YWHAE: variants seen among roughly 807,000 people sequenced by gnomAD.
YWHAE encodes the protein 14-3-3 protein epsilon.
YWHAE carries 4 observed loss-of-function variants against 30.1 expected under a neutral mutation model. The ratio of observed to expected loss-of-function variants is 0.13; its 90% CI spans 0.07 to 0.30. The LOEUF is 0.30. Ranked by LOEUF, YWHAE falls within the 10% of genes least tolerant of loss-of-function variation. The probability of loss-of-function intolerance (pLI) is 1.00; values close to 1 mark genes in which losing one functional copy is unlikely to be tolerated. For missense variants in YWHAE, 121 were observed against 315.9 expected (o/e 0.38, Z 4.68); for synonymous variants, 118 against 111.8 (o/e 1.06, Z -0.35).
In YWHAE at chr17:1,354,356, A is replaced by G. The variant is rs755539852; in HGVS notation, c.579-9T>C. 1.6e-5 allele frequency: 25 copies of G among 1,610,720 alleles called. No individual in the cohort carries two copies. In the Admixed American group the frequency reaches 3.2e-4, roughly 21 times the overall value. On this transcript the variant is annotated splice_polypyrimidine_tract_variant and intron_variant, in intron 4 of 5. Coordinates refer to ENST00000264335, the MANE Select transcript of YWHAE (RefSeq NM_006761.5). ...AAGCTGCTTTTGCCAACCTAAAGGT[A>G]TTTCAATAGAAGTGTTATAAAAATT... is the stretch of plus-strand genomic sequence containing the variant.
intron 2 of YWHAE, among the ~76,000 whole-genome samples, chr17:1,364,364 C>A (rs538267522): frequency 6.6e-6 from 1 of 152,020 alleles, no homozygotes; most frequent in East Asian, 1.9e-4. Context: ...GTAGCTGGGA[C>A]CACAGGCTCC....
At chr17:1,348,864 A>C (rs545114518) in intron 5 of YWHAE, among the ~76,000 whole-genome samples, 55 of 150,776 alleles carry the variant, frequency 3.6e-4, no homozygotes, top group African/African-American at 1.3e-3. Context: ...TCTACTAAAA[A>C]TACAAAAAAA....
chr17:1,364,051 T>C (rs543623653), intron 2 of YWHAE, among the ~76,000 whole-genome samples: 2 of 152,312 alleles, frequency 1.3e-5, no homozygotes, highest in South Asian at 2.1e-4. Context: ...GCACCTCTAA[T>C]TGAAAACTGC....
At chr17:1,391,601 A>C (rs2131431) in intron 1 of YWHAE, among the ~76,000 whole-genome samples, 41,924 of 152,094 alleles carry the variant, frequency 0.28, 5,846 homozygotes, top group South Asian at 0.37. Flanking sequence ...TCTTAGGGCC[A>C]TGACTAGCAT....
chr17:1,366,176 G>A (rs926068923), intron 1 of YWHAE, among the ~76,000 whole-genome samples: 3 of 149,094 alleles, frequency 2.0e-5, no homozygotes, highest in East Asian at 1.9e-4. Context: ...AGATCATGCC[G>A]CTGCACTCCA....
chr17:1,375,851 T>C lies in YWHAE; in HGVS notation c.65-10793A>G, dbSNP rs149767318. 2.0e-3 allele frequency among the ~76,000 whole-genome samples: 300 copies of C among 152,342 alleles called. 2 individuals carry two copies. The highest frequency in any genetic ancestry group is 6.9e-3 in the African/African-American group (286 of 41,572). ...GTTTGTGGTTGTGTTCTTTCAACTA[T>C]GTTGTTCATTCAACAGACTAATTCA... is the stretch of plus-strand genomic sequence containing the variant. On this transcript the variant is annotated intron_variant, in intron 1 of 5. Coordinates refer to ENST00000264335, the MANE Select transcript of YWHAE (RefSeq NM_006761.5).
chr17:1,362,823 C>A (rs1156328514), intron 2 of YWHAE, among the ~76,000 whole-genome samples: 1 of 152,070 alleles, frequency 6.6e-6, no homozygotes. Flanking sequence ...TCTGAATAAA[C>A]GACATCCCTG....
intron 1 of YWHAE, among the ~76,000 whole-genome samples, chr17:1,394,708 T>C (rs1341423144): frequency 2.6e-5 from 4 of 152,114 alleles, no homozygotes; most frequent in Admixed American, 2.6e-4. Flanking sequence ...GGCTCATACC[T>C]GTAATGCTAG....
intron 4 of YWHAE, among the ~76,000 whole-genome samples, chr17:1,358,978 T>C (rs2072808495): frequency 6.9e-6 from 1 of 145,870 alleles, no homozygotes; most frequent in African/African-American, 2.6e-5. Flanking sequence ...CTACTAAAAA[T>C]ACAAAAAATT....
intron 1 of YWHAE, among the ~76,000 whole-genome samples, chr17:1,375,006 C>G (rs562617133): frequency 6.6e-5 from 10 of 152,222 alleles, no homozygotes; most frequent in African/African-American, 2.4e-4. Context: ...ACTATGTAGC[C>G]TTAAACTCCT....
intron 1 of YWHAE, among the ~76,000 whole-genome samples, chr17:1,392,198 A>C (rs1034910861): frequency 7.2e-5 from 11 of 152,034 alleles, no homozygotes; most frequent in Admixed American, 7.2e-4. Context: ...AAAAAAGAAA[A>C]AGAAAAAGAA....
intron 1 of YWHAE, 47 bp downstream of exon 1, chr17:1,400,000 G>T: frequency 6.2e-7 from 1 of 1,607,752 alleles, no homozygotes; most frequent in South Asian, 1.1e-5. Flanking sequence ...TGTGGGCGGC[G>T]GCAGAGGGTC....
intron 4 of YWHAE, 116 bp from the exon 5 acceptor site, chr17:1,354,463 T>C (rs1816928480): frequency 3.8e-6 from 4 of 1,050,040 alleles, no homozygotes; most frequent in African/African-American, 1.6e-5. Flanking sequence ...GTCACAATGA[T>C]AATGCAAAGA....
At chr17:1,355,765 T>A (rs540635493) in intron 4 of YWHAE, among the ~76,000 whole-genome samples, 1 of 152,288 alleles carries the variant, frequency 6.6e-6, no homozygotes, top group South Asian at 2.1e-4. Flanking sequence ...CTGGCTGTGG[T>A]GGCTCATGCC....
intron 1 of YWHAE, among the ~76,000 whole-genome samples, chr17:1,396,696 G>A (rs1357239808): frequency 6.6e-6 from 1 of 152,116 alleles, no homozygotes; most frequent in Non-Finnish European, 1.5e-5. Flanking sequence ...CGCAATCTCG[G>A]CTCACCGCAA....
At chr17:1,394,735 G>A (rs933082035) in intron 1 of YWHAE, among the ~76,000 whole-genome samples, 6 of 152,126 alleles carry the variant, frequency 3.9e-5, no homozygotes, top group African/African-American at 1.4e-4. Flanking sequence ...GGGAGGCTGA[G>A]GCGGGAGGAT....
intron 1 of YWHAE, among the ~76,000 whole-genome samples, chr17:1,385,158 A>AAG (rs2073281665): frequency 6.6e-6 from 1 of 151,564 alleles, no homozygotes; most frequent in Non-Finnish European, 1.5e-5. Flanking sequence ...AAAAAAAAAA[A>AAG]AAAAAGTAAA....
chr17:1,361,601 A>G, intron 3 of YWHAE: 1 of 424,530 alleles, frequency 2.4e-6, no homozygotes, highest in Non-Finnish European at 4.1e-6. Context: ...GTTCCAAGGA[A>G]TGGCATGACA....
At chr17:1,399,723 G>A (rs887843835) in intron 1 of YWHAE, 3 of 508,148 alleles carry the variant, frequency 5.9e-6, no homozygotes, top group Non-Finnish European at 1.1e-5. Flanking sequence ...CTCGTTCGGA[G>A]ACAGCACCCG....
Sources: allele counts gnomAD v4.1 joint callset (sites outside exome capture counted in the v4.1 genomes callset), GRCh38; gene constraint gnomAD v4.1.1; transcripts MANE v1.5; gene names NCBI Gene and HGNC (gene_info 2026-07-23, HGNC 2026-07-21).